MAP4: variants seen among roughly 807,000 people sequenced by gnomAD.
MAP4 encodes microtubule-associated protein 4.
In MAP4, 76 loss-of-function variants were observed where a neutral mutation model predicts 170.2. The ratio of observed to expected loss-of-function variants is 0.45; its 90% CI spans 0.37 to 0.54. MAP4 has a LOEUF of 0.54. Ranked by LOEUF, MAP4 falls within the 20% of genes least tolerant of loss-of-function variation. MAP4 has a pLI of 0.00. For synonymous variants in MAP4, 909 were observed against 994.5 expected (o/e 0.91, Z 1.62); for missense variants, 2,506 against 2,748.0 (o/e 0.91, Z 1.97).
At chr3:47,908,097 C>T (rs2100034084) in intron 9 of MAP4, among the ~76,000 whole-genome samples, 1 of 150,884 alleles carries the variant, frequency 6.6e-6, no homozygotes, top group Non-Finnish European at 1.5e-5. Flanking sequence ...AGCTGGGAAA[C>T]AGTGATTAAG....
intron 1 of MAP4, among the ~76,000 whole-genome samples, chr3:48,028,027 C>T (rs2100113996): frequency 6.6e-6 from 1 of 152,208 alleles, no homozygotes. Flanking sequence ...CACTGTGGCT[C>T]ACGCCTGTAA....
intron 8 of MAP4, 69 bp downstream of exon 8, chr3:47,914,748 A>G (rs1163951880): frequency 6.3e-7 from 1 of 1,581,866 alleles, no homozygotes; most frequent in Non-Finnish European, 8.7e-7. Flanking sequence ...AACTAGAGAC[A>G]ATGTCTACCA....
chr3:47,906,679 G>A (rs1477259985), intron 9 of MAP4, among the ~76,000 whole-genome samples: 5 of 144,570 alleles, frequency 3.5e-5, no homozygotes, highest in African/African-American at 5.1e-5. Flanking sequence ...GCAAAACTCT[G>A]TCTCAAAAAA....
In MAP4 at chr3:47,916,573, C is replaced by T. The variant is rs1218547250; in HGVS notation, c.1254G>A (p.Val418=). Residue 418 remains valine, a synonymous_variant, in exon 7 of 21, where the codon GTG becomes GTA. Coordinates refer to ENST00000683076, the MANE Select transcript of MAP4 (RefSeq NM_001385682.1). ...KDLVLLSEIE[V]AQANDIISST... ...ATGATATAATGTCATTAGCCTGTGC[C>T]ACCTCTATTTCTGAGAGTAATACCA... 1 of 1,614,132 alleles carries T rather than the reference C, an allele frequency of 6.2e-7. No individual in the cohort carries two copies.
At chr3:48,010,978 A>G (rs1295130554) in intron 1 of MAP4, among the ~76,000 whole-genome samples, 1 of 152,162 alleles carries the variant, frequency 6.6e-6, no homozygotes, top group Non-Finnish European at 1.5e-5. Context: ...AATACTTAAT[A>G]AACTCTCCTT....
Position 47,875,748 on chromosome 3 carries a change from G to A in MAP4, c.5694C>T (p.Pro1898=). Reference sequence around the variant, plus strand: ...TGGCAGAGGCGACGGCAGGGCGTTTGGGTGGGGCAGCTGGCACTAAGCCTG... The same window carrying A: ...TGGCAGAGGCGACGGCAGGGCGTTTAGGTGGGGCAGCTGGCACTAAGCCTG... ...LASGLVPAAP[P]KRPAVASARP... The change falls in exon 12 of 21, where the codon CCC becomes CCT. Residue 1898 remains proline, a synonymous_variant. Coordinates refer to ENST00000683076, the MANE Select transcript of MAP4 (RefSeq NM_001385682.1). The A allele has an allele frequency of 3.1e-6, 5 of 1,613,990 alleles. No individual in the cohort carries two copies. The highest frequency in any genetic ancestry group is 4.2e-6 in the Non-Finnish European group (5 of 1,180,012).
intron 3 of MAP4, among the ~76,000 whole-genome samples, chr3:47,970,211 C>A (rs1010395401): frequency 6.6e-6 from 1 of 152,196 alleles, no homozygotes; most frequent in African/African-American, 2.4e-5. Flanking sequence ...AAAAGCTGGG[C>A]ATGGTGGCTC....
At chr3:47,900,724 A>T (rs989045027) in intron 10 of MAP4, among the ~76,000 whole-genome samples, 1 of 152,132 alleles carries the variant, frequency 6.6e-6, no homozygotes, top group Non-Finnish European at 1.5e-5. Context: ...CTACAGAGGG[A>T]GACTGTCTCA....
chr3:47,917,307 G>A (rs1020199542), intron 6 of MAP4, 133 bp from the exon 7 acceptor site: 4 of 733,158 alleles, frequency 5.5e-6, no homozygotes, highest in East Asian at 2.5e-5. Context: ...TTAATGTTAG[G>A]CCGGGCACAG....
At chr3:47,875,657 T>C (rs753702901) in intron 12 of MAP4, 28 bp downstream of exon 12, 39 of 1,590,830 alleles carry the variant, frequency 2.5e-5, no homozygotes, top group Non-Finnish European at 3.3e-5. Context: ...ACAATTTTCC[T>C]CGGCACAGTA....
rs1345973577 is a variant in MAP4, at chr3:47,855,079, C to G, written c.6696+169G>C. The G allele has an allele frequency of 3.5e-6, 2 of 567,562 alleles. No homozygotes were observed. Among genetic ancestry groups the G allele is most frequent in the Non-Finnish European group, 3.2e-6 (1 of 313,502 alleles). The allele number at this position is 567,562 out of a possible 1,614,324, so 35.2% of individuals were successfully genotyped here. ...GGCTGGGGCCTCTTCACTTCTGCCT[C>G]AGTCAGGACTGATGATACACGGTGG... On this transcript the variant is annotated intron_variant, in intron 19 of 20. Coordinates refer to ENST00000683076, the MANE Select transcript of MAP4 (RefSeq NM_001385682.1). The surrounding 1 kb of genome is among the most constrained non-coding windows in gnomAD (Gnocchi z 5.1).
At chr3:47,894,987 C>G (rs1031279137) in intron 10 of MAP4, among the ~76,000 whole-genome samples, 2 of 149,958 alleles carry the variant, frequency 1.3e-5, no homozygotes, top group Non-Finnish European at 2.9e-5. Flanking sequence ...GATCACATCA[C>G]TGCACTCCAG....
Position 47,918,849 on chromosome 3 carries a change from T to C in MAP4, c.530-8A>G, listed in dbSNP as rs760437876. 3 of 1,607,744 alleles carry C rather than the reference T, an allele frequency of 1.9e-6. No individual in the cohort carries two copies. In the South Asian group the frequency reaches 3.3e-5, roughly 18 times the overall value. On this transcript the variant is annotated splice_region_variant and splice_polypyrimidine_tract_variant and intron_variant, in intron 5 of 20. Coordinates refer to ENST00000683076, the MANE Select transcript of MAP4 (RefSeq NM_001385682.1). ...TGTTGCAGGGAGACATACCTAATAT[T>C]GAAACACAAACAAATACATTTTGAA...
intron 3 of MAP4, among the ~76,000 whole-genome samples, chr3:47,932,171 A>T (rs921040302): frequency 1.3e-5 from 2 of 152,230 alleles, no homozygotes; most frequent in Non-Finnish European, 2.9e-5. Flanking sequence ...ATATAAATGA[A>T]GTCACACAAT....
chr3:47,991,832 C>T (rs2100092493), intron 2 of MAP4, among the ~76,000 whole-genome samples: 1 of 151,972 alleles, frequency 6.6e-6, no homozygotes, highest in South Asian at 2.1e-4. Context: ...CCACGCCCAG[C>T]TAATTTTTTT....
At chr3:47,857,751 C>T (rs1007989390) in intron 17 of MAP4, among the ~76,000 whole-genome samples, 1 of 151,980 alleles carries the variant, frequency 6.6e-6, no homozygotes, top group Non-Finnish European at 1.5e-5. Context: ...CTCTGTTGCC[C>T]AGGCTGGAGT....
chr3:47,891,453 T>C, intron 10 of MAP4: 1 of 1,529,994 alleles, frequency 6.5e-7, no homozygotes, highest in African/African-American at 1.4e-5. Flanking sequence ...GCTCCCAGTT[T>C]CCCAGGTGTA....
At chr3:48,081,734 A>G (rs78180115) in intron 1 of MAP4, among the ~76,000 whole-genome samples, 251 of 152,208 alleles carry the variant, frequency 1.6e-3, no homozygotes, top group Non-Finnish European at 2.5e-3. Flanking sequence ...GTATATATAT[A>G]TATTACTTCC....
intron 1 of MAP4, among the ~76,000 whole-genome samples, chr3:48,041,940 G>A (rs573825249): frequency 2.6e-5 from 4 of 152,272 alleles, no homozygotes; most frequent in East Asian, 1.9e-4. Flanking sequence ...TAGCACACCC[G>A]AATTCCACCA....
Sources: gnomAD v4.1 joint callset for allele counts (sites outside exome capture counted in the v4.1 genomes callset) on GRCh38, gnomAD v4.1.1 for gene constraint, Gnocchi (gnomAD v3.1) non-coding constraint, MANE v1.5 for transcripts, NCBI Gene and HGNC (gene_info 2026-07-23, HGNC 2026-07-21) for gene names.